Variants in ANPEP observed in about 807,000 individuals in gnomAD.
ANPEP encodes aminopeptidase N.
A neutral mutation model predicts 114.6 loss-of-function variants in ANPEP; 70 were observed. The observed-to-expected ratio is 0.61, with a 90% CI of 0.50 to 0.75. The LOEUF (loss-of-function observed/expected upper bound fraction) is 0.75. Among genes scored for constraint, ANPEP ranks in the 30% least tolerant of loss-of-function variants. The pLI, the probability that ANPEP is intolerant of heterozygous loss-of-function variation, is 0.00. For synonymous variants in ANPEP, 548 were observed against 522.3 expected (o/e 1.05, Z -0.67); for missense variants, 1,184 against 1,259.5 (o/e 0.94, Z 0.91).
chr15:89,801,824 C>A (rs1464302807), intron 10 of ANPEP, among the ~76,000 whole-genome samples: 2 of 152,228 alleles, frequency 1.3e-5, no homozygotes, highest in African/African-American at 4.8e-5. Flanking sequence ...CCCAGCAAAT[C>A]TATGAGGCCC....
intron 15 of ANPEP, among the ~76,000 whole-genome samples, chr15:89,793,950 G>T (rs1326962550): frequency 2.0e-5 from 3 of 152,084 alleles, no homozygotes. Context: ...GTGGACTCTG[G>T]TTTGACATGG....
rs559932483 is a variant in ANPEP, at chr15:89,797,818, C to G, written c.2010-96G>C. 162 of 1,516,814 alleles carry G rather than the reference C, an allele frequency of 1.1e-4. No homozygotes were observed. The African/African-American group carries it at 1.8e-3, about 17-fold the overall frequency. 94.0% of individuals were successfully genotyped at this position (1,516,814 alleles called of 1,614,324 possible). ...CAGGCCCTCAAAGATGCTCCACACCCCTAGGCCCCCTGTATCCACTCCTGG... is the reference window on the plus strand; with the variant it reads ...CAGGCCCTCAAAGATGCTCCACACCGCTAGGCCCCCTGTATCCACTCCTGG... On this transcript the variant is annotated intron_variant, in intron 14 of 20. Coordinates refer to ENST00000300060, the MANE Select transcript of ANPEP (RefSeq NM_001150.3).
chr15:89,800,513 C>T (rs1241284388), intron 12 of ANPEP, among the ~76,000 whole-genome samples: 8 of 151,440 alleles, frequency 5.3e-5, no homozygotes, highest in African/African-American at 1.9e-4. Context: ...CTGCTCATAA[C>T]ATGTGCCAGG....
chr15:89,810,477 G>C (rs186896243), intron 1 of ANPEP, among the ~76,000 whole-genome samples: 36 of 152,080 alleles, frequency 2.4e-4, no homozygotes, highest in Non-Finnish European at 4.3e-4. Context: ...GGGCTGAGGC[G>C]GAAGAATCGC....
intron 20 of ANPEP, 22 bp from the exon 21 acceptor site, chr15:89,785,523 C>A (rs778146622): frequency 6.3e-7 from 1 of 1,592,958 alleles, no homozygotes; most frequent in South Asian, 1.1e-5. Flanking sequence ...ACAAAAGATT[C>A]TCAGTCCGGC....
At chr15:89,789,271 C>T (rs570515789) in intron 20 of ANPEP, among the ~76,000 whole-genome samples, 8 of 151,968 alleles carry the variant, frequency 5.3e-5, no homozygotes, top group Admixed American at 4.6e-4. Flanking sequence ...TGAGCCACCA[C>T]GCCCAGCAAA....
chr15:89,801,690 T>G, intron 10 of ANPEP, 83 bp from the exon 11 acceptor site: 1 of 1,508,858 alleles, frequency 6.6e-7, no homozygotes, highest in South Asian at 1.3e-5. Context: ...GATTCTCGCC[T>G]CGACCCCGGG....
rs1409201171 is a variant in ANPEP, at chr15:89,785,021, G to C, written c.*328C>G. 3.3e-6 allele frequency: 1 copy of C among 299,882 alleles called. No homozygotes were observed. Among genetic ancestry groups the C allele is most frequent in the Non-Finnish European group, 6.4e-6 (1 of 156,902 alleles). The allele number at this position is 299,882 out of a possible 1,614,324, so 18.6% of individuals were successfully genotyped here. On this transcript the variant is annotated 3_prime_UTR_variant, in exon 21 of 21. Coordinates refer to ENST00000300060, the MANE Select transcript of ANPEP (RefSeq NM_001150.3). ...GAGGGTACAGGGCGGCCCCCAGCAAGGCCGTTCATTGTCCATCGAGAGCTT... is the reference window on the plus strand; with the variant it reads ...GAGGGTACAGGGCGGCCCCCAGCAACGCCGTTCATTGTCCATCGAGAGCTT...
In ANPEP at chr15:89,785,213, C is replaced by T. The variant is rs1035024855; in HGVS notation, c.*136G>A. On this transcript the variant is annotated 3_prime_UTR_variant, in exon 21 of 21. Transcript: ENST00000300060. ...TAGACTGGCTCACAGGCAGAGAGAACGTGGGCTGGAGACTTTGTCCTTGAG... is the reference window on the plus strand; with the variant it reads ...TAGACTGGCTCACAGGCAGAGAGAATGTGGGCTGGAGACTTTGTCCTTGAG... 18 of 1,178,142 alleles carry T rather than the reference C, an allele frequency of 1.5e-5. 1 individual carries two copies. Among genetic ancestry groups the T allele is most frequent in the Middle Eastern group, 2.5e-4 (1 of 4,050 alleles). 73.0% of individuals were successfully genotyped at this position (1,178,142 alleles called of 1,614,324 possible). A position where few individuals can be genotyped will look rare whatever the true frequency, so the allele number is the denominator to read the frequency against.
intron 19 of ANPEP, 130 bp from the exon 20 acceptor site, chr15:89,790,671 A>G: frequency 1.2e-6 from 1 of 850,174 alleles, no homozygotes; most frequent in Non-Finnish European, 1.9e-6. Flanking sequence ...CCCCACTAGG[A>G]TGTGGGGGAG....
chr15:89,795,061 A>G (rs1056477918), intron 15 of ANPEP, among the ~76,000 whole-genome samples: 14 of 151,448 alleles, frequency 9.2e-5, no homozygotes, highest in Admixed American at 4.6e-4. Flanking sequence ...GCCAAAACAA[A>G]CACAAAACTC....
At chr15:89,801,286 C>G in intron 11 of ANPEP, 99 bp from the exon 12 acceptor site, 22 of 1,546,090 alleles carry the variant, frequency 1.4e-5, no homozygotes, top group Non-Finnish European at 1.9e-5. Flanking sequence ...GCTCTGGCAC[C>G]GAGTGCCCCT....
chr15:89,806,742 G>C lies in ANPEP; in HGVS notation c.-159C>G. On this transcript the variant is annotated 5_prime_UTR_variant, in exon 2 of 21. Transcript: ENST00000300060. The surrounding 1 kb of genome is among the most constrained non-coding windows in gnomAD (Gnocchi z 5.7). ...CAGGCGAAGGTCACTGGACTGGGCA[G>C]GGGCACGCTCCGCCTGGGGAGAGGA... is the stretch of plus-strand genomic sequence containing the variant. The C allele has an allele frequency of 2.5e-6, 3 of 1,197,264 alleles. No homozygotes were observed. The highest frequency in any genetic ancestry group is 2.9e-5 in the Admixed American group (1 of 34,572). The allele number at this position is 1,197,264 out of a possible 1,614,324, so 74.2% of individuals were successfully genotyped here. A position where few individuals can be genotyped will look rare whatever the true frequency, so the allele number is the denominator to read the frequency against.
At position 89,799,966 on chromosome 15, in the gene ANPEP, T is replaced by A. The variant is rs980146620; in HGVS notation, c.1820-407A>T. ...CACCCAGACCCCCAGTGCTGCTGTC[T>A]CTTTCTGGGGCTTAGTGCCCCTTCC... On this transcript the variant is annotated intron_variant, in intron 12 of 20. Coordinates refer to ENST00000300060, the MANE Select transcript of ANPEP (RefSeq NM_001150.3). The surrounding 1 kb of genome is among the most constrained non-coding windows in gnomAD (Gnocchi z 4.2). Among the ~76,000 whole-genome samples the A allele has an allele frequency of 2.0e-5, 3 of 152,088 alleles. No homozygotes were observed. The South Asian group carries it at 6.2e-4, about 32-fold the overall frequency.
intron 20 of ANPEP, among the ~76,000 whole-genome samples, chr15:89,786,974 A>G (rs1968518502): frequency 6.6e-6 from 1 of 151,932 alleles, no homozygotes; most frequent in Non-Finnish European, 1.5e-5. Context: ...CCAACCTCAT[A>G]TCATATACAA....
At chr15:89,800,556 C>CTTTTTTTTTT (rs759889538) in intron 12 of ANPEP, among the ~76,000 whole-genome samples, 1 of 124,378 alleles carries the variant, frequency 8.0e-6, no homozygotes, top group African/African-American at 3.2e-5. Context: ...GGATTCTCTC[C>CTTTTTTTTTT]TTTTTTTTTT....
intron 18 of ANPEP, 47 bp downstream of exon 18, chr15:89,792,113 C>T (rs1968639022): frequency 6.3e-7 from 1 of 1,582,796 alleles, no homozygotes; most frequent in Non-Finnish European, 8.6e-7. Context: ...CCTGGTTCTC[C>T]AGGTGGGGAG....
Position 89,799,445 on chromosome 15 carries a change from T to G in ANPEP, c.1934A>C (p.Gln645Pro). Reference protein sequence around the residue: ...DEENWRKIQTQLQRDHSAIPV... With the variant: ...DEENWRKIQTPLQRDHSAIPV... The stretch of plus-strand genomic sequence containing the variant: ...ACTCACCGAGTGGTCTCTCTGCAGC[T>G]GAGTCTGAATCTTCCTCCAGTTCTC... The change falls in exon 13 of 21, where the codon CAG (glutamine) becomes CCG (proline). Residue 645 changes from glutamine (Q) to proline (P), a missense_variant. Physicochemically the swap from Gln to Pro is moderately conservative, Grantham distance 76. Transcript: ENST00000300060. This position sits in a 1 kb window ranked among gnomAD's most constrained non-coding sequence, Gnocchi z 4.2. 1 of 1,614,190 alleles carries G rather than the reference T, an allele frequency of 6.2e-7. No homozygotes were observed. The highest frequency in any genetic ancestry group is 8.5e-7 in the Non-Finnish European group (1 of 1,180,036).
intron 1 of ANPEP, among the ~76,000 whole-genome samples, chr15:89,807,692 C>T (rs1459979218): frequency 6.6e-6 from 1 of 152,082 alleles, no homozygotes; most frequent in Non-Finnish European, 1.5e-5. Flanking sequence ...CAGAGTGAGA[C>T]TCAAAAGAAA....
Sources: gnomAD v4.1 joint callset for allele counts (sites outside exome capture counted in the v4.1 genomes callset) on GRCh38, gnomAD v4.1.1 for gene constraint, Gnocchi (gnomAD v3.1) non-coding constraint, MANE v1.5 for transcripts, NCBI Gene and HGNC (gene_info 2026-07-23, HGNC 2026-07-21) for gene names.